Variants in DMD observed in about 807,000 individuals in gnomAD.
DMD encodes the protein mutant dystrophin.
A neutral mutation model predicts 330.1 loss-of-function variants in DMD; 63 were observed. The ratio of observed to expected loss-of-function variants is 0.19; its 90% CI spans 0.16 to 0.24. DMD has a LOEUF of 0.24. DMD is among the 10% of genes least tolerant of loss of function. The pLI, the probability that DMD is intolerant of heterozygous loss-of-function variation, is 1.00. For synonymous variants in DMD, 1,223 were observed against 959.8 expected, an observed-to-expected ratio of 1.27 and a Z score of -5.07; for missense variants, 3,344 against 2,684.1, an observed-to-expected ratio of 1.25 and a Z score of -5.43.
chrX:33,338,493 A>AAATAAATAAATG lies in DMD; in HGVS notation c.7+765_7+766insCATTTATTTATT, dbSNP rs765518720. The stretch of plus-strand genomic sequence containing the variant: ...TAAATAAATAAATAAATAAATAAAT[A>AAATAAATAAATG]AATGCTCACATTTTCAATAATTTAT... On this transcript the variant is annotated intron_variant, in intron 1 of 17. Transcript: ENST00000288447. Among the ~76,000 whole-genome samples, 415 of 109,449 alleles carry AAATAAATAAATG rather than the reference A, an allele frequency of 3.8e-3. 2 individuals carry two copies. Among genetic ancestry groups the AAATAAATAAATG allele is most frequent in the African/African-American group, 0.013 (390 of 30,366 alleles).
At chrX:31,802,344 C>T (rs1387777748) in intron 50 of DMD, among the ~76,000 whole-genome samples, 1 of 110,927 alleles carries the variant, frequency 9.0e-6, no homozygotes, top group Non-Finnish European at 1.9e-5. Flanking sequence ...ACCCAATAAC[C>T]TGCATAGTGT....
chrX:31,527,426 A>G (rs2073330027), intron 55 of DMD, among the ~76,000 whole-genome samples: 1 of 111,927 alleles, frequency 8.9e-6, no homozygotes, highest in Admixed American at 9.5e-5. Flanking sequence ...ATAAAATACA[A>G]GGCACCCAGT....
chrX:32,430,689 C>A (rs1338880755), intron 29 of DMD, among the ~76,000 whole-genome samples: 1 of 111,553 alleles, frequency 9.0e-6, no homozygotes, highest in Non-Finnish European at 1.9e-5. Context: ...ACATTGTACC[C>A]TTTTACAAAT....
intron 47 of DMD, among the ~76,000 whole-genome samples, chrX:31,900,366 A>G (rs1284031303): frequency 9.0e-6 from 1 of 110,723 alleles, no homozygotes; most frequent in Non-Finnish European, 1.9e-5. Flanking sequence ...AGTGATTGTG[A>G]ATAAGTCTCA....
intron 44 of DMD, among the ~76,000 whole-genome samples, chrX:32,070,146 C>A (rs1028602109): frequency 1.8e-5 from 2 of 110,745 alleles, no homozygotes; most frequent in African/African-American, 6.6e-5. Flanking sequence ...TTCATGATAG[C>A]ATTTTTGATG....
chrX:31,478,082 C>T (rs1294201335), intron 59 of DMD, 24 bp downstream of exon 59: 1 of 1,205,911 alleles, frequency 8.3e-7, no homozygotes, highest in African/African-American at 1.8e-5. Context: ...TCAAAGGGCC[C>T]TGAAGCAAAG....
intron 23 of DMD, among the ~76,000 whole-genome samples, chrX:32,465,589 T>G (rs111435906): frequency 2.2e-3 from 27 of 12,258 alleles, no homozygotes; most frequent in South Asian, 3.7e-3. Context: ...TTTGTTTTTT[T>G]TTTTTTTTTT....
At chrX:32,685,229 T>C (rs1238034416) in intron 9 of DMD, among the ~76,000 whole-genome samples, 1 of 111,384 alleles carries the variant, frequency 9.0e-6, no homozygotes, top group Non-Finnish European at 1.9e-5. Flanking sequence ...GAAATTTAAA[T>C]TATAAAGTAG....
At chrX:32,670,530 C>A (rs1336966362) in intron 9 of DMD, among the ~76,000 whole-genome samples, 1 of 111,473 alleles carries the variant, frequency 9.0e-6, no homozygotes, top group Non-Finnish European at 1.9e-5. Flanking sequence ...TGGTAAACCT[C>A]ATAAATATTG....
At chrX:32,677,967 C>T (rs892168731) in intron 9 of DMD, among the ~76,000 whole-genome samples, 2 of 111,629 alleles carry the variant, frequency 1.8e-5, no homozygotes, top group Non-Finnish European at 1.9e-5. Context: ...TTGGATGAAC[C>T]TTGAAGGTAT....
intron 55 of DMD, among the ~76,000 whole-genome samples, chrX:31,583,665 T>C (rs1463324087): frequency 9.0e-6 from 1 of 110,662 alleles, no homozygotes; most frequent in Non-Finnish European, 1.9e-5. Flanking sequence ...AGTTCCGTGG[T>C]ACATGTGCAG....
intron 9 of DMD, among the ~76,000 whole-genome samples, chrX:32,672,100 C>T (rs1356769295): frequency 9.0e-6 from 1 of 111,534 alleles, no homozygotes; most frequent in Non-Finnish European, 1.9e-5. Flanking sequence ...TAGTCCTTTG[C>T]TTCTAACAGG....
intron 43 of DMD, among the ~76,000 whole-genome samples, chrX:32,285,205 T>C (rs1346579823): frequency 1.8e-5 from 2 of 111,882 alleles, no homozygotes; most frequent in Non-Finnish European, 3.8e-5. Context: ...TCAACGGTCC[T>C]TAGGGGATGG....
At chrX:32,820,975 G>C (rs1355340169) in intron 5 of DMD, among the ~76,000 whole-genome samples, 1 of 111,229 alleles carries the variant, frequency 9.0e-6, no homozygotes, top group Non-Finnish European at 1.9e-5. Flanking sequence ...ATGAAAAGCA[G>C]TTTGGGGAGA....
intron 33 of DMD, among the ~76,000 whole-genome samples, chrX:32,384,089 T>A (rs1324304779): frequency 7.2e-5 from 8 of 110,584 alleles, no homozygotes; most frequent in African/African-American, 2.3e-4. Context: ...TTTATAACTA[T>A]AACATACATT....
intron 49 of DMD, among the ~76,000 whole-genome samples, chrX:31,828,707 AC>A (rs2092950971): frequency 9.1e-6 from 1 of 109,938 alleles, no homozygotes. Flanking sequence ...CATACCAGTA[AC>A]GAGCAGCAAG....
intron 16 of DMD, among the ~76,000 whole-genome samples, chrX:32,547,713 A>G (rs2049117570): frequency 9.0e-6 from 1 of 111,275 alleles, no homozygotes; most frequent in Admixed American, 9.6e-5. Context: ...TCATTAGGAA[A>G]TATAGACAGG....
chrX:31,839,749 AG>A (rs766991619), intron 48 of DMD, among the ~76,000 whole-genome samples: 105 of 112,029 alleles, frequency 9.4e-4, no homozygotes, highest in Non-Finnish European at 1.7e-3. Flanking sequence ...TAGCAATCCA[AG>A]AGAACATCAC....
chrX:32,689,283 T>C (rs1280290364), intron 9 of DMD, among the ~76,000 whole-genome samples: 4 of 110,718 alleles, frequency 3.6e-5, no homozygotes, highest in African/African-American at 9.8e-5. Context: ...GAGACCACTA[T>C]GAACAATTTT....
Sources: allele counts gnomAD v4.1 joint callset (sites outside exome capture counted in the v4.1 genomes callset), GRCh38; gene constraint gnomAD v4.1.1; transcripts MANE v1.5; gene names NCBI Gene and HGNC (gene_info 2026-07-23, HGNC 2026-07-21).